TEX14: variants seen among roughly 807,000 people sequenced by gnomAD.
TEX14 encodes the protein inactive serine/threonine-protein kinase TEX14.
In TEX14, 168 loss-of-function variants were observed where a neutral mutation model predicts 178.6. The observed-to-expected ratio is 0.94, with a 90% CI of 0.83 to 1.07. The LOEUF is 1.07. TEX14 is among the 50% of genes least tolerant of loss of function. The pLI is 0.00. For synonymous variants in TEX14, 626 were observed against 634.1 expected, an observed-to-expected ratio of 0.99 and a Z score of 0.19; for missense variants, 1,730 against 1,753.6, an observed-to-expected ratio of 0.99 and a Z score of 0.24.
chr17:58,641,639 T>C (rs1400395245), intron 2 of TEX14, among the ~76,000 whole-genome samples: 1 of 151,774 alleles, frequency 6.6e-6, no homozygotes, highest in Non-Finnish European at 1.5e-5. Flanking sequence ...CCCTAACAGC[T>C]GGGATTATAG....
chr17:58,660,787 GTCAC>G, intron 1 of TEX14: 1 of 781,306 alleles, frequency 1.3e-6, no homozygotes, highest in Non-Finnish European at 2.4e-6. Context: ...GATCATACCA[GTCAC>G]TCACTGTCAT....
chr17:58,578,948 G>A (rs886545113), intron 20 of TEX14, among the ~76,000 whole-genome samples: 4 of 152,218 alleles, frequency 2.6e-5, no homozygotes, highest in Non-Finnish European at 5.9e-5. Flanking sequence ...AGCTACACAG[G>A]TTGGTAGGTG....
intron 2 of TEX14, among the ~76,000 whole-genome samples, chr17:58,634,461 G>C (rs554422545): frequency 3.4e-4 from 52 of 152,258 alleles, no homozygotes; most frequent in African/African-American, 1.3e-3. Flanking sequence ...TTCATGGTGA[G>C]AGCAGTACTA....
intron 2 of TEX14, among the ~76,000 whole-genome samples, chr17:58,643,786 C>A (rs542058651): frequency 7.0e-6 from 1 of 141,958 alleles, no homozygotes; most frequent in South Asian, 2.3e-4. Context: ...GCAGGAGAAT[C>A]GCTTGAACCC....
intron 2 of TEX14, among the ~76,000 whole-genome samples, chr17:58,644,816 A>G (rs997169642): frequency 4.8e-5 from 7 of 145,400 alleles, no homozygotes; most frequent in African/African-American, 1.8e-4. Flanking sequence ...ACGCCTGGCT[A>G]ATGTTTGAAT....
intron 19 of TEX14, among the ~76,000 whole-genome samples, chr17:58,583,793 A>G (rs2044881951): frequency 1.3e-5 from 2 of 152,364 alleles, no homozygotes; most frequent in East Asian, 3.9e-4. Context: ...CCGAGAAAGA[A>G]TAAGTTGATC....
chr17:58,616,849 T>C (rs770557003), intron 6 of TEX14, among the ~76,000 whole-genome samples: 2 of 152,244 alleles, frequency 1.3e-5, no homozygotes, highest in Non-Finnish European at 2.9e-5. Context: ...GTGCCATTGC[T>C]GGGACTGAGA....
At chr17:58,623,796 A>T (rs1359130830) in intron 3 of TEX14, among the ~76,000 whole-genome samples, 1 of 139,998 alleles carries the variant, frequency 7.1e-6, no homozygotes, top group Non-Finnish European at 1.6e-5. Flanking sequence ...GGAGAAGATG[A>T]AGAAGAGGAG....
chr17:58,567,249 A>G (rs1323200050), intron 26 of TEX14, among the ~76,000 whole-genome samples: 2 of 152,180 alleles, frequency 1.3e-5, no homozygotes, highest in African/African-American at 2.4e-5. Flanking sequence ...CTAACTCAGT[A>G]TGCTGCTTTA....
intron 15 of TEX14, among the ~76,000 whole-genome samples, chr17:58,592,016 G>T (rs75658156): frequency 6.7e-6 from 1 of 150,118 alleles, no homozygotes; most frequent in Non-Finnish European, 1.5e-5. Context: ...TCGAGATCAC[G>T]CCACTGCACT....
intron 11 of TEX14, among the ~76,000 whole-genome samples, chr17:58,603,873 T>C (rs1312878890): frequency 2.1e-5 from 3 of 139,790 alleles, no homozygotes; most frequent in Non-Finnish European, 3.1e-5. Flanking sequence ...AAAGCAGCCC[T>C]TAATGTGATT....
chr17:58,685,057 ATG>A (rs2047567828), intron 1 of TEX14, among the ~76,000 whole-genome samples: 2 of 152,270 alleles, frequency 1.3e-5, no homozygotes, highest in African/African-American at 4.8e-5. Context: ...TCTAAACCAT[ATG>A]TAGAAATAAT....
chr17:58,569,277 A>G lies in TEX14; in HGVS notation c.3818-17T>C. 1 of 1,611,056 alleles carries G rather than the reference A, an allele frequency of 6.2e-7. No homozygotes were observed. Among genetic ancestry groups the G allele is most frequent in the Non-Finnish European group, 8.5e-7 (1 of 1,177,366 alleles). On this transcript the variant is annotated splice_polypyrimidine_tract_variant and intron_variant, in intron 25 of 31. Transcript: ENST00000349033. This position sits in a 1 kb window ranked among gnomAD's most constrained non-coding sequence, Gnocchi z 4.1. ...AGGCTTCTACTAGTTTTTAAAAAAG[A>G]CAAAAGGGAAAATGTCTTAACACCC...
At chr17:58,628,434 C>T (rs1598399342) in intron 3 of TEX14, among the ~76,000 whole-genome samples, 1 of 151,016 alleles carries the variant, frequency 6.6e-6, no homozygotes, top group Non-Finnish European at 1.5e-5. Context: ...AAAATTAGGC[C>T]GGGCGCAGTG....
At position 58,569,267 on chromosome 17, in the gene TEX14, T is replaced by C; in HGVS notation, c.3818-7A>G. 6.2e-7 allele frequency: 1 copy of C among 1,613,356 alleles called. No homozygotes were observed. Among genetic ancestry groups the C allele is most frequent in the Non-Finnish European group, 8.5e-7 (1 of 1,179,454 alleles). ...TGCTGTGAGAAGGCTTCTACTAGTT[T>C]TTAAAAAAGACAAAAGGGAAAATGT... On this transcript the variant is annotated splice_polypyrimidine_tract_variant and splice_region_variant and intron_variant, in intron 25 of 31. Coordinates refer to ENST00000349033, the MANE Select transcript of TEX14 (RefSeq NM_031272.5). This position sits in a 1 kb window ranked among gnomAD's most constrained non-coding sequence, Gnocchi z 4.1.
chr17:58,655,277 G>A (rs1017411513), intron 1 of TEX14, among the ~76,000 whole-genome samples: 11 of 151,830 alleles, frequency 7.2e-5, no homozygotes, highest in African/African-American at 1.9e-4. Context: ...TCCGCCTCCC[G>A]GGTTCAAGCG....
rs201945111 is a variant in TEX14 at position 58,573,170 on chromosome 17, C to T, written c.3511+11G>A. ...TCCTTCTCCCCAAACACTTCTCTTCCCTGTGATTACCTGGGCTGAGTGGAG... is the reference window on the plus strand; with the variant it reads ...TCCTTCTCCCCAAACACTTCTCTTCTCTGTGATTACCTGGGCTGAGTGGAG... On this transcript the variant is annotated intron_variant, in intron 23 of 31. Coordinates refer to ENST00000349033, the MANE Select transcript of TEX14 (RefSeq NM_031272.5). 6.2e-7 allele frequency: 1 copy of T among 1,613,474 alleles called. No individual in the cohort carries two copies. Among genetic ancestry groups the T allele is most frequent in the East Asian group, 2.2e-5 (1 of 44,872 alleles).
At chr17:58,609,724 G>A (rs1030845823) in intron 10 of TEX14, among the ~76,000 whole-genome samples, 5 of 152,202 alleles carry the variant, frequency 3.3e-5, no homozygotes, top group African/African-American at 1.2e-4. Flanking sequence ...AGGCACTCCA[G>A]GTCTGGGGAA....
chr17:58,607,470 T>C (rs1567732258), intron 10 of TEX14, among the ~76,000 whole-genome samples: 1 of 148,854 alleles, frequency 6.7e-6, no homozygotes, highest in Non-Finnish European at 1.5e-5. Context: ...CAATCCATCC[T>C]GCCCCTGTAT....
Sources: gnomAD v4.1 joint callset for allele counts (sites outside exome capture counted in the v4.1 genomes callset) on GRCh38, gnomAD v4.1.1 for gene constraint, Gnocchi (gnomAD v3.1) non-coding constraint, MANE v1.5 for transcripts, NCBI Gene and HGNC (gene_info 2026-07-23, HGNC 2026-07-21) for gene names.